ATP2B2: variants seen among roughly 807,000 people sequenced by gnomAD.
ATP2B2 encodes the protein plasma membrane calcium-transporting ATPase 2.
ATP2B2 carries 15 observed loss-of-function variants against 120.0 expected under a neutral mutation model. That is an observed-to-expected ratio of 0.12 (90% CI 0.08 to 0.19). The LOEUF (loss-of-function observed/expected upper bound fraction) is 0.19. Among genes scored for constraint, ATP2B2 ranks in the 10% least tolerant of loss-of-function variants. The pLI is 1.00. For missense variants in ATP2B2, 1,045 were observed against 1,719.8 expected (o/e 0.61, Z 6.94); for synonymous variants, 694 against 700.3 (o/e 0.99, Z 0.14).
chr3:10,665,238 C>T (rs1419937946), intron 1 of ATP2B2, among the ~76,000 whole-genome samples: 1 of 152,228 alleles, frequency 6.6e-6, no homozygotes, highest in South Asian at 2.1e-4. Flanking sequence ...CTGCACCATG[C>T]CCTTCTTGCT....
At chr3:10,502,660 T>C (rs1273690167) in intron 1 of ATP2B2, among the ~76,000 whole-genome samples, 2 of 152,174 alleles carry the variant, frequency 1.3e-5, no homozygotes, top group Non-Finnish European at 2.9e-5. Context: ...AGCAACTCCA[T>C]AGGGTAAAGG....
intron 1 of ATP2B2, among the ~76,000 whole-genome samples, chr3:10,705,507 C>T (rs968411167): frequency 4.6e-5 from 7 of 152,252 alleles, no homozygotes; most frequent in African/African-American, 9.6e-5. Flanking sequence ...GCTCCCACTG[C>T]ACATCTATTA....
At chr3:10,663,578 C>G (rs567771032) in intron 1 of ATP2B2, among the ~76,000 whole-genome samples, 2 of 152,286 alleles carry the variant, frequency 1.3e-5, no homozygotes, top group East Asian at 3.9e-4. Flanking sequence ...CCACACGCTC[C>G]CAGGTGGTTT....
chr3:10,508,589 G>T (rs1475266110), upstream of ATP2B2, among the ~76,000 whole-genome samples: 3 of 152,202 alleles, frequency 2.0e-5, no homozygotes, highest in Non-Finnish European at 4.4e-5. Context: ...ATCAGGGCTT[G>T]CCTAAGGTCA....
At chr3:10,330,334 GCCACA>G (rs1299898197) in intron 22 of ATP2B2, 1 of 153,854 alleles carries the variant, frequency 6.5e-6, no homozygotes, top group Non-Finnish European at 1.5e-5. Flanking sequence ...CTGTGGACAA[GCCACA>G]CTAGCTCTCT....
In ATP2B2 at chr3:10,690,419, AATATCT is replaced by A. The variant is rs1306563215; in HGVS notation, c.-460+17490_-460+17495del. Among the ~76,000 whole-genome samples the A allele has an allele frequency of 6.1e-4, 92 of 149,620 alleles. 1 individual carries two copies. The highest frequency in any genetic ancestry group is 5.2e-3 in the East Asian group (26 of 5,048). On this transcript the variant is annotated intron_variant, in intron 1 of 21. Transcript: ENST00000646379. ...AGAGCTAACATATAGAAAAAAACAG[AATATCT>A]ATATCTATATCTATCTATCTATCTA...
chr3:10,372,995 C>T (rs931007921), intron 11 of ATP2B2, among the ~76,000 whole-genome samples: 1 of 152,032 alleles, frequency 6.6e-6, no homozygotes, highest in Non-Finnish European at 1.5e-5. Context: ...CTCTTTATAA[C>T]CAGGGTAAAA....
chr3:10,695,612 C>A (rs1175112488), intron 1 of ATP2B2, among the ~76,000 whole-genome samples: 1 of 152,110 alleles, frequency 6.6e-6, no homozygotes, highest in Non-Finnish European at 1.5e-5. Context: ...CTGAGGTCAT[C>A]CCAGACCAGC....
intron 1 of ATP2B2, among the ~76,000 whole-genome samples, chr3:10,646,145 C>A (rs2070316013): frequency 6.6e-6 from 1 of 152,172 alleles, no homozygotes. Context: ...TTTGTGAGAG[C>A]CTGTACAAAT....
chr3:10,656,358 G>T (rs6796464), intron 1 of ATP2B2, among the ~76,000 whole-genome samples: 1 of 151,822 alleles, frequency 6.6e-6, no homozygotes, highest in East Asian at 1.9e-4. Context: ...CAGCCAACCT[G>T]TCTAGCTCTC....
chr3:10,449,561 C>T lies in ATP2B2; in HGVS notation c.-18G>A, dbSNP rs372021110. 15 of 1,614,094 alleles carry T rather than the reference C, an allele frequency of 9.3e-6. No homozygotes were observed. In the African/African-American group the frequency reaches 1.9e-4, roughly 20 times the overall value. On this transcript the variant is annotated 5_prime_UTR_variant, in exon 2 of 23. Transcript: ENST00000360273. ...TCACCCATGTTTGCTGCGGTCCTTG[C>T]TCGGGCTGGGCCCAAGGGTCAGCGC...
At chr3:10,551,442 C>T (rs1044183415) in intron 2 of ATP2B2, among the ~76,000 whole-genome samples, 2 of 152,190 alleles carry the variant, frequency 1.3e-5, no homozygotes, top group Non-Finnish European at 2.9e-5. Context: ...ACTGTCAGTG[C>T]TACTTGCAAG....
intron 8 of ATP2B2, among the ~76,000 whole-genome samples, chr3:10,382,506 C>T (rs1246810889): frequency 2.7e-5 from 4 of 146,708 alleles, no homozygotes; most frequent in African/African-American, 9.9e-5. Context: ...ACTACCATGA[C>T]CGGCTAATTT....
rs185901684 is a variant in ATP2B2 at position 10,449,675 on chromosome 3, G to A, written c.-132C>T. On this transcript the variant is annotated 5_prime_UTR_variant, in exon 2 of 23. Coordinates refer to ENST00000360273, the MANE Select transcript of ATP2B2 (RefSeq NM_001001331.4). ...CTGTGGCACCAGGCGGCCGACTCCG[G>A]GTCCCGGGGGGTGGGGGTGGCCGAG... 39 of 1,107,424 alleles carry A rather than the reference G, an allele frequency of 3.5e-5. No individual in the cohort carries two copies. In the East Asian group the frequency reaches 8.5e-4, roughly 24 times the overall value. The allele number at this position is 1,107,424 out of a possible 1,614,324, so 68.6% of individuals were successfully genotyped here. A position where few individuals can be genotyped will look rare whatever the true frequency, so the allele number is the denominator to read the frequency against.
At position 10,375,367 on chromosome 3, in the gene ATP2B2, A is replaced by G. The variant is rs558753488; in HGVS notation, c.1416+63T>C. 7.0e-7 allele frequency: 1 copy of G among 1,432,282 alleles called. No homozygotes were observed. The highest frequency in any genetic ancestry group is 9.8e-7 in the Non-Finnish European group (1 of 1,024,668). The allele number at this position is 1,432,282 out of a possible 1,614,324, so 88.7% of individuals were successfully genotyped here. A position where few individuals can be genotyped will look rare whatever the true frequency, so the allele number is the denominator to read the frequency against. On this transcript the variant is annotated intron_variant, in intron 11 of 22. Transcript: ENST00000360273. The surrounding 1 kb of genome is among the most constrained non-coding windows in gnomAD (Gnocchi z 4.2). ...CCCAACCCCAGCACCAGCCCCAGTG[A>G]TTCCCCCAGGCCCTCAGCTGCAGCT...
At chr3:10,510,846 G>A (rs1203524315) in intron 3 of ATP2B2, among the ~76,000 whole-genome samples, 1 of 152,184 alleles carries the variant, frequency 6.6e-6, no homozygotes, top group African/African-American at 2.4e-5. Context: ...GTAATGCGGA[G>A]TCATACATGC....
intron 8 of ATP2B2, among the ~76,000 whole-genome samples, chr3:10,383,737 T>C (rs868161981): frequency 1.3e-5 from 2 of 152,210 alleles, no homozygotes; most frequent in Non-Finnish European, 1.5e-5. Context: ...ATGGTGAATA[T>C]GAAATGCTTT....
In ATP2B2 at chr3:10,400,573, C is replaced by T. The variant is rs184710506; in HGVS notation, c.781+380G>A. Among the ~76,000 whole-genome samples the T allele has an allele frequency of 1.3e-3, 204 of 152,260 alleles. 1 individual carries two copies. The highest frequency in any genetic ancestry group is 4.5e-3 in the African/African-American group (188 of 41,546). On this transcript the variant is annotated intron_variant, in intron 5 of 22. Transcript: ENST00000360273. ...TCACTCACTGCTGCAGCCTTAGTGC[C>T]GGGCCCAGTACCTGGCACACAGCTG...
At chr3:10,660,015 T>C (rs968363707) in intron 1 of ATP2B2, among the ~76,000 whole-genome samples, 1 of 152,140 alleles carries the variant, frequency 6.6e-6, no homozygotes, top group Non-Finnish European at 1.5e-5. Context: ...CATAACGAAA[T>C]GAAGGCAGAA....
Sources: allele counts gnomAD v4.1 joint callset (sites outside exome capture counted in the v4.1 genomes callset), GRCh38; gene constraint gnomAD v4.1.1; non-coding constraint Gnocchi (gnomAD v3.1); transcripts MANE v1.5; gene names NCBI Gene and HGNC (gene_info 2026-07-23, HGNC 2026-07-21).